SVEP1: variants seen among roughly 807,000 people sequenced by gnomAD.
SVEP1 encodes sushi, von Willebrand factor type A, EGF and pentraxin domain containing 1, also known as sushi, von Willebrand factor type A, EGF and pentraxin domain-containing protein 1.
In SVEP1, 164 loss-of-function variants were observed where a neutral mutation model predicts 367.3. The observed-to-expected ratio is 0.45, with a 90% CI of 0.39 to 0.51. The LOEUF (loss-of-function observed/expected upper bound fraction) is 0.51, where lower values mean the gene tolerates loss of function less well. Ranked by LOEUF, SVEP1 falls within the 20% of genes least tolerant of loss-of-function variation. The pLI is 0.00. For missense variants in SVEP1, 4,117 were observed against 4,425.3 expected (o/e 0.93, Z 1.98); for synonymous variants, 1,666 against 1,611.6 (o/e 1.03, Z -0.81).
At chr9:110,439,527 G>T (rs747908479) in intron 27 of SVEP1, among the ~76,000 whole-genome samples, 41 of 152,046 alleles carry the variant, frequency 2.7e-4, no homozygotes, top group Non-Finnish European at 2.1e-4. Context: ...CCGAGTAGCT[G>T]GGATTACAGG....
chr9:110,496,681 C>A (rs1829451473), intron 8 of SVEP1, 134 bp downstream of exon 8: 2 of 566,588 alleles, frequency 3.5e-6, no homozygotes, highest in East Asian at 6.0e-5. Flanking sequence ...ATACATCTAT[C>A]CTATTAGTTC....
chr9:110,535,690 G>A (rs1830070504), intron 3 of SVEP1, among the ~76,000 whole-genome samples: 1 of 152,074 alleles, frequency 6.6e-6, no homozygotes, highest in South Asian at 2.1e-4. Flanking sequence ...TCTTTGAGCA[G>A]TGTGTTGTCA....
rs778101855 is a variant in SVEP1, at chr9:110,406,840, G to T, written c.8760C>A (p.Gly2920=). The change falls in exon 38 of 48, where the codon GGC becomes GGA. Residue 2920 remains glycine (G), a synonymous_variant. Coordinates refer to ENST00000374469, the MANE Select transcript of SVEP1 (RefSeq NM_153366.4). ...GTTTTGGAGCACCGTGCAAGATGTA[G>T]CCCTCGTGACAGTGGAATGTTACTT... is the stretch of plus-strand genomic sequence containing the variant. The part of the protein sequence containing the change: ...MKEVTFHCHE[G]YILHGAPKLT... 33 of 1,613,842 alleles carry T rather than the reference G, an allele frequency of 2.0e-5. No individual in the cohort carries two copies. The South Asian group carries it at 3.5e-4, about 17-fold the overall frequency.
At chr9:110,566,485 C>A (rs1830495764) in intron 1 of SVEP1, among the ~76,000 whole-genome samples, 1 of 152,104 alleles carries the variant, frequency 6.6e-6, no homozygotes, top group Non-Finnish European at 1.5e-5. Context: ...TACCATGATT[C>A]ATCCAAGGAA....
At chr9:110,367,892 C>A (rs912845046) in intron 47 of SVEP1, among the ~76,000 whole-genome samples, 1 of 151,940 alleles carries the variant, frequency 6.6e-6, no homozygotes, top group African/African-American at 2.4e-5. Context: ...ACTAGCCTGG[C>A]CAACATAGTG....
intron 29 of SVEP1, among the ~76,000 whole-genome samples, 160 bp from the exon 30 acceptor site, chr9:110,434,666 T>TAACAAAAAAAA (rs1828404814): frequency 2.5e-5 from 1 of 40,620 alleles, no homozygotes; most frequent in African/African-American, 1.0e-4. Context: ...GCAAAATCAC[T>TAACAAAAAAAA]AAAAAAAAAA....
rs1828277433 is a variant in SVEP1, at chr9:110,427,734, T to A, written c.5832A>T (p.Glu1944Asp). Residue 1944 changes from glutamate to aspartate, a missense_variant, in exon 36 of 48, where the codon GAA becomes GAT. Transcript: ENST00000374469. ...TGTCCCAGATGCCAGAAGCCGTGCA[T>A]TCAATAATGGAAGGGCCCTGTAAGC... is the stretch of plus-strand genomic sequence containing the variant. ...GYSLQGPSII[E>D]CTASGIWDRA... 5.0e-6 allele frequency: 8 copies of A among 1,612,842 alleles called. No individual in the cohort carries two copies. The highest frequency in any genetic ancestry group is 5.9e-6 in the Non-Finnish European group (7 of 1,179,476).
At chr9:110,514,291 C>T (rs939028853) in intron 3 of SVEP1, 185 bp from the exon 4 acceptor site, 8 of 661,494 alleles carry the variant, frequency 1.2e-5, no homozygotes, top group African/African-American at 7.2e-5. Flanking sequence ...GCGGGTGGAT[C>T]ACCTGAGGTC....
intron 47 of SVEP1, among the ~76,000 whole-genome samples, chr9:110,368,483 T>A (rs1004619162): frequency 6.6e-6 from 1 of 152,200 alleles, no homozygotes; most frequent in Non-Finnish European, 1.5e-5. Flanking sequence ...CTAGATCTTG[T>A]TTTCCTGATT....
intron 13 of SVEP1, among the ~76,000 whole-genome samples, chr9:110,477,449 T>C (rs1341251473): frequency 6.6e-6 from 1 of 152,182 alleles, no homozygotes; most frequent in African/African-American, 2.4e-5. Flanking sequence ...TGAGAAAAAA[T>C]GTAACCCTGC....
At chr9:110,478,195 G>A (rs958679172) in intron 13 of SVEP1, among the ~76,000 whole-genome samples, 1 of 152,098 alleles carries the variant, frequency 6.6e-6, no homozygotes, top group African/African-American at 2.4e-5. Context: ...CATTCTTTCA[G>A]GTCTCCTCTC....
intron 36 of SVEP1, among the ~76,000 whole-genome samples, chr9:110,424,226 A>C (rs534492044): frequency 3.3e-4 from 50 of 152,350 alleles, no homozygotes; most frequent in South Asian, 2.3e-3. Context: ...TATTCAAACG[A>C]AGTAAATAAA....
chr9:110,412,995 G>A (rs1268124247), intron 36 of SVEP1, among the ~76,000 whole-genome samples: 1 of 151,336 alleles, frequency 6.6e-6, no homozygotes, highest in South Asian at 2.1e-4. Context: ...ATTCCTCAGG[G>A]ATCTAGAACT....
chr9:110,483,496 G>T, intron 10 of SVEP1, 90 bp downstream of exon 10: 3 of 727,370 alleles, frequency 4.1e-6, no homozygotes, highest in Non-Finnish European at 6.3e-6. Context: ...GTTGTTATTT[G>T]CTTTTTCTCT....
At chr9:110,566,613 T>C (rs542825495) in intron 1 of SVEP1, among the ~76,000 whole-genome samples, 6 of 152,228 alleles carry the variant, frequency 3.9e-5, no homozygotes, top group South Asian at 4.1e-4. Context: ...TGGTAGGACA[T>C]GGGATTAGGG....
chr9:110,404,702 T>A, intron 38 of SVEP1, 150 bp from the exon 39 acceptor site: 1 of 755,958 alleles, frequency 1.3e-6, no homozygotes, highest in South Asian at 1.7e-5. Context: ...GCGGATGGCA[T>A]TGCCATGCAA....
At chr9:110,470,078 A>G (rs942773163) in intron 16 of SVEP1, among the ~76,000 whole-genome samples, 22 of 152,170 alleles carry the variant, frequency 1.4e-4, no homozygotes, top group Admixed American at 1.2e-3. Flanking sequence ...CTGAGTGTAC[A>G]CAGTTCCATT....
At chr9:110,406,047 G>A (rs1827949168) in intron 38 of SVEP1, 113 bp downstream of exon 38, 1 of 1,334,396 alleles carries the variant, frequency 7.5e-7, no homozygotes, top group East Asian at 2.5e-5. Flanking sequence ...CCAGTGTTTG[G>A]AGAGCAGTTC....
chr9:110,573,042 G>A (rs4130233), intron 1 of SVEP1, among the ~76,000 whole-genome samples: 28,722 of 151,722 alleles, frequency 0.19, 2,806 homozygotes, highest in East Asian at 0.28. Context: ...ATTTCCAGAC[G>A]TAAATTTGGA....
Sources: gnomAD v4.1 joint callset for allele counts (sites outside exome capture counted in the v4.1 genomes callset) on GRCh38, gnomAD v4.1.1 for gene constraint, MANE v1.5 for transcripts, NCBI Gene and HGNC (gene_info 2026-07-23, HGNC 2026-07-21) for gene names.